Variants in HS3ST2 observed in about 807,000 individuals in gnomAD.
The protein encoded by HS3ST2 is heparan sulfate-glucosamine 3-sulfotransferase 2.
A neutral mutation model predicts 26.3 loss-of-function variants in HS3ST2; 17 were observed. The observed-to-expected ratio is 0.65, with a 90% confidence interval of 0.44 to 0.97. The LOEUF (loss-of-function observed/expected upper bound fraction) is 0.97. HS3ST2 is among the 50% of genes least tolerant of loss of function. HS3ST2 has a pLI of 0.00. For synonymous variants in HS3ST2, 237 were observed against 219.2 expected, an observed-to-expected ratio of 1.08 and a Z score of -0.72; for missense variants, 402 against 501.2, an observed-to-expected ratio of 0.80 and a Z score of 1.89.
At chr16:22,878,073 C>T (rs1901942816) in intron 1 of HS3ST2, among the ~76,000 whole-genome samples, 1 of 152,158 alleles carries the variant, frequency 6.6e-6, no homozygotes, top group South Asian at 2.1e-4. Context: ...TATCAGAGTC[C>T]AGGCTGTGCA....
chr16:22,855,278 C>G (rs1345107584), intron 1 of HS3ST2, among the ~76,000 whole-genome samples: 1 of 152,066 alleles, frequency 6.6e-6, no homozygotes, highest in African/African-American at 2.4e-5. Flanking sequence ...GTAGTTTCCC[C>G]CAACGTGGGC....
At chr16:22,867,073 T>C (rs1901767708) in intron 1 of HS3ST2, among the ~76,000 whole-genome samples, 1 of 152,146 alleles carries the variant, frequency 6.6e-6, no homozygotes, top group South Asian at 2.1e-4. Flanking sequence ...TTATAGTAAT[T>C]AAAAGTATAG....
chr16:22,849,434 G>A (rs544124132), intron 1 of HS3ST2, among the ~76,000 whole-genome samples: 1 of 152,046 alleles, frequency 6.6e-6, no homozygotes, highest in East Asian at 1.9e-4. Flanking sequence ...TTTGCGGGGG[G>A]GTATGTCTAG....
intron 1 of HS3ST2, among the ~76,000 whole-genome samples, chr16:22,860,656 T>G (rs1901661501): frequency 6.6e-6 from 1 of 152,138 alleles, no homozygotes; most frequent in Non-Finnish European, 1.5e-5. Context: ...AGGCAATTGT[T>G]GGCTCCCAAT....
At chr16:22,879,635 A>T (rs1461164889) in intron 1 of HS3ST2, among the ~76,000 whole-genome samples, 2 of 152,110 alleles carry the variant, frequency 1.3e-5, no homozygotes, top group African/African-American at 4.8e-5. Flanking sequence ...GAAGGAAAGG[A>T]GCTCGGAGCT....
intron 1 of HS3ST2, among the ~76,000 whole-genome samples, chr16:22,826,457 T>C (rs914646465): frequency 1.3e-5 from 2 of 152,196 alleles, no homozygotes; most frequent in African/African-American, 2.4e-5. Context: ...CCACTCTCTA[T>C]CTTTCCTCAC....
intron 1 of HS3ST2, among the ~76,000 whole-genome samples, chr16:22,844,407 C>T (rs745795075): frequency 6.6e-6 from 1 of 152,144 alleles, no homozygotes; most frequent in Non-Finnish European, 1.5e-5. Flanking sequence ...ATTCCTTCCC[C>T]AGGGTGGCAA....
chr16:22,875,821 C>A (rs1010620073), intron 1 of HS3ST2, among the ~76,000 whole-genome samples: 3 of 152,194 alleles, frequency 2.0e-5, no homozygotes, highest in Non-Finnish European at 4.4e-5. Context: ...TATAGGTATA[C>A]CATTTTTAAC....
intron 1 of HS3ST2, among the ~76,000 whole-genome samples, chr16:22,874,701 G>C (rs575172633): frequency 6.6e-6 from 1 of 152,188 alleles, no homozygotes; most frequent in African/African-American, 2.4e-5. Context: ...ACAGTACTGG[G>C]ACCTGGCATA....
At chr16:22,914,763 A>AAAAAAG (rs1489223344) in intron 1 of HS3ST2, among the ~76,000 whole-genome samples, 181 bp from the exon 2 acceptor site, 1,229 of 118,754 alleles carry the variant, frequency 0.01, 108 homozygotes, top group Middle Eastern at 0.017. Context: ...AAAAAAAAAA[A>AAAAAAG]AGAGAAGAAA....
chr16:22,824,270 T>C (rs538147488), intron 1 of HS3ST2, among the ~76,000 whole-genome samples: 2 of 152,296 alleles, frequency 1.3e-5, no homozygotes, highest in South Asian at 2.1e-4. Flanking sequence ...TGACATGGGC[T>C]GGGCGTGGTG....
At chr16:22,891,185 C>T (rs1237920908) in intron 1 of HS3ST2, among the ~76,000 whole-genome samples, 2 of 152,190 alleles carry the variant, frequency 1.3e-5, no homozygotes, top group African/African-American at 2.4e-5. Flanking sequence ...GGTATCCTGG[C>T]CTGGTTCCAA....
At chr16:22,879,663 G>A (rs1901962539) in intron 1 of HS3ST2, among the ~76,000 whole-genome samples, 2 of 152,184 alleles carry the variant, frequency 1.3e-5, no homozygotes, top group African/African-American at 4.8e-5. Flanking sequence ...TGAGTTCCTG[G>A]CAGCATTAAT....
At chr16:22,815,691 G>T (rs1273895939) in intron 1 of HS3ST2, among the ~76,000 whole-genome samples, 6 of 152,148 alleles carry the variant, frequency 3.9e-5, no homozygotes, top group African/African-American at 1.4e-4. Context: ...GCCCTGGTAG[G>T]TGGTCTTTGA....
chr16:22,834,432 C>T (rs2141179493), intron 1 of HS3ST2, among the ~76,000 whole-genome samples: 1 of 152,124 alleles, frequency 6.6e-6, no homozygotes, highest in South Asian at 2.1e-4. Context: ...GGTATCTCTC[C>T]ATGCCAATAA....
chr16:22,898,379 G>C (rs1249406351), intron 1 of HS3ST2, among the ~76,000 whole-genome samples: 2 of 152,202 alleles, frequency 1.3e-5, no homozygotes, highest in Admixed American at 1.3e-4. Flanking sequence ...AAAGGCAATA[G>C]ATAAACAGAG....
Position 22,814,626 on chromosome 16 carries a change from C to T in HS3ST2, c.16C>T (p.Leu6=), listed in dbSNP as rs1415107563. ...CCATGGAGCCATGGCCTATAGGGTC[C>T]TGGGCCGCGCGGGGCCACCTCAGCC... is the stretch of plus-strand genomic sequence containing the variant. The part of the protein sequence containing the change: MAYRV[L]GRAGPPQPRR... Residue 6 remains leucine (L), a synonymous_variant, in exon 1 of 2, where the codon CTG becomes TTG. Transcript: ENST00000261374. The T allele has an allele frequency of 6.5e-7, 1 of 1,549,690 alleles. No homozygotes were observed. Among genetic ancestry groups the T allele is most frequent in the African/African-American group, 1.4e-5 (1 of 73,016 alleles).
chr16:22,901,554 G>C (rs1299480751), intron 1 of HS3ST2, among the ~76,000 whole-genome samples: 1 of 152,168 alleles, frequency 6.6e-6, no homozygotes, highest in Non-Finnish European at 1.5e-5. Flanking sequence ...GAGAAATTAA[G>C]CCCAGACCAC....
chr16:22,885,875 C>G (rs1031394971), intron 1 of HS3ST2, among the ~76,000 whole-genome samples: 2 of 152,174 alleles, frequency 1.3e-5, no homozygotes, highest in Non-Finnish European at 2.9e-5. Flanking sequence ...CGACAAAATG[C>G]CTGGAGTCAG....
Sources: allele counts gnomAD v4.1 joint callset (sites outside exome capture counted in the v4.1 genomes callset), GRCh38; gene constraint gnomAD v4.1.1; transcripts MANE v1.5; gene names NCBI Gene and HGNC (gene_info 2026-07-23, HGNC 2026-07-21).